The following MAP4K3 variants were observed in gnomAD, a reference collection of about 807,000 sequenced individuals.
MAP4K3 encodes mitogen-activated protein kinase kinase kinase kinase 3.
MAP4K3 carries 94 observed loss-of-function variants against 143.5 expected under a neutral mutation model. The observed-to-expected ratio is 0.65, with a 90% CI of 0.55 to 0.78. The LOEUF (loss-of-function observed/expected upper bound fraction) is 0.78. Among genes scored for constraint, MAP4K3 ranks in the 30% least tolerant of loss-of-function variants. The pLI is 0.00. For missense variants in MAP4K3, 1,077 were observed against 1,068.1 expected (o/e 1.01, Z -0.12); for synonymous variants, 416 against 347.2 (o/e 1.20, Z -2.20).
intron 27 of MAP4K3, among the ~76,000 whole-genome samples, chr2:39,265,572 G>T (rs186019611): frequency 6.6e-6 from 1 of 152,134 alleles, no homozygotes; most frequent in East Asian, 1.9e-4. Flanking sequence ...GGGGTAAGAG[G>T]AAGGACTTTT....
intron 1 of MAP4K3, among the ~76,000 whole-genome samples, chr2:39,381,386 T>A (rs1351238973): frequency 6.6e-6 from 1 of 152,182 alleles, no homozygotes; most frequent in East Asian, 1.9e-4. Flanking sequence ...TGGATATAAA[T>A]CCCTTATCAG....
chr2:39,421,744 G>GA (rs1667554219), intron 1 of MAP4K3, among the ~76,000 whole-genome samples: 1 of 151,990 alleles, frequency 6.6e-6, no homozygotes, highest in Non-Finnish European at 1.5e-5. Context: ...CAAATCATTT[G>GA]ATGTAGTTTG....
rs909516852 is a variant in MAP4K3, at chr2:39,342,866, T to C, written c.310+522A>G. 7.2e-5 allele frequency among the ~76,000 whole-genome samples: 11 copies of C among 152,140 alleles called. No homozygotes were observed. In the East Asian group the frequency reaches 9.6e-4, roughly 13 times the overall value. On this transcript the variant is annotated intron_variant, in intron 4 of 33. Transcript: ENST00000263881. Reference sequence around the variant, plus strand: ...ACAGTTTGTGACAATAATCCACTAATAGAAAGAGAAAAGGAAGAAAAAGAA... The same window carrying C: ...ACAGTTTGTGACAATAATCCACTAACAGAAAGAGAAAAGGAAGAAAAAGAA...
chr2:39,406,605 C>T (rs1447651008), intron 1 of MAP4K3, among the ~76,000 whole-genome samples: 1 of 152,054 alleles, frequency 6.6e-6, no homozygotes, highest in Non-Finnish European at 1.5e-5. Context: ...AGAACTTTTG[C>T]CCTAGAATAG....
rs960374740 is a variant in MAP4K3 at position 39,412,927 on chromosome 2, T to C, written c.96+23965A>G. ...CTAACTACTTGGTCATCTGACCAAATAGTATCTATCTGGTAGATAGTAACC... is the reference window on the plus strand; with the variant it reads ...CTAACTACTTGGTCATCTGACCAAACAGTATCTATCTGGTAGATAGTAACC... On this transcript the variant is annotated intron_variant, in intron 1 of 33. Coordinates refer to ENST00000263881, the MANE Select transcript of MAP4K3 (RefSeq NM_003618.4). 2.0e-5 allele frequency among the ~76,000 whole-genome samples: 3 copies of C among 152,200 alleles called. No individual in the cohort carries two copies. In the South Asian group the frequency reaches 6.2e-4, roughly 31 times the overall value.
At chr2:39,370,031 A>G (rs1219822022) in intron 2 of MAP4K3, among the ~76,000 whole-genome samples, 1 of 152,232 alleles carries the variant, frequency 6.6e-6, no homozygotes, top group Non-Finnish European at 1.5e-5. Flanking sequence ...ATATCTCCGT[A>G]TCTTCCTTCT....
chr2:39,381,239 T>C (rs987197995), intron 1 of MAP4K3, among the ~76,000 whole-genome samples: 4 of 152,216 alleles, frequency 2.6e-5, no homozygotes, highest in African/African-American at 9.6e-5. Context: ...GCTATAAACA[T>C]CAGTGTACAC....
intron 2 of MAP4K3, among the ~76,000 whole-genome samples, chr2:39,357,445 T>G (rs139987442): frequency 6.6e-6 from 1 of 152,232 alleles, no homozygotes; most frequent in Non-Finnish European, 1.5e-5. Context: ...CTGACATTTC[T>G]GGCCTTGGCA....
chr2:39,280,769 G>T (rs1382402005), intron 22 of MAP4K3, among the ~76,000 whole-genome samples: 1 of 151,868 alleles, frequency 6.6e-6, no homozygotes, highest in East Asian at 1.9e-4. Flanking sequence ...GCCTAAAAAT[G>T]GTATTAAAAA....
At chr2:39,280,164 C>A in intron 23 of MAP4K3, 108 bp downstream of exon 23, 2 of 602,288 alleles carry the variant, frequency 3.3e-6, no homozygotes, top group East Asian at 6.1e-5. Context: ...TATAACAAAA[C>A]TTTTTTTCCC....
chr2:39,426,563 T>C (rs1401857852), intron 1 of MAP4K3, among the ~76,000 whole-genome samples: 1 of 151,892 alleles, frequency 6.6e-6, no homozygotes, highest in African/African-American at 2.4e-5. Context: ...TACTCTCAAA[T>C]GGTTCAGAAA....
At chr2:39,346,700 G>GT (rs1242663049) in intron 3 of MAP4K3, among the ~76,000 whole-genome samples, 1 of 152,158 alleles carries the variant, frequency 6.6e-6, no homozygotes. Flanking sequence ...AGCAGCAATT[G>GT]TAAGAACTTG....
intron 4 of MAP4K3, among the ~76,000 whole-genome samples, chr2:39,340,573 T>C (rs1665110314): frequency 6.6e-6 from 1 of 152,190 alleles, no homozygotes; most frequent in Non-Finnish European, 1.5e-5. Flanking sequence ...AACCTATTTC[T>C]GTAACGAAAC....
chr2:39,283,595 T>C (rs958835351), intron 21 of MAP4K3: 1 of 152,190 alleles, frequency 6.6e-6, no homozygotes, highest in Non-Finnish European at 1.5e-5. Flanking sequence ...ATGTTTACAA[T>C]GAGTTTTGCT....
At chr2:39,354,804 A>T (rs1384150103) in intron 3 of MAP4K3, among the ~76,000 whole-genome samples, 1 of 152,248 alleles carries the variant, frequency 6.6e-6, no homozygotes, top group Non-Finnish European at 1.5e-5. Context: ...ATGACAGGGC[A>T]GAATACCCTA....
At chr2:39,390,058 G>C (rs768804165) in intron 1 of MAP4K3, among the ~76,000 whole-genome samples, 1 of 152,088 alleles carries the variant, frequency 6.6e-6, no homozygotes, top group Non-Finnish European at 1.5e-5. Flanking sequence ...AAATTATTAC[G>C]ATCAACATCT....
chr2:39,282,417 T>A, intron 22 of MAP4K3, 96 bp downstream of exon 22: 1 of 980,412 alleles, frequency 1.0e-6, no homozygotes, highest in Admixed American at 2.2e-5. Flanking sequence ...TCAATAATAA[T>A]GAAAGTTCTT....
At chr2:39,268,540 C>T (rs941474239) in intron 26 of MAP4K3, among the ~76,000 whole-genome samples, 3 of 151,576 alleles carry the variant, frequency 2.0e-5, no homozygotes, top group African/African-American at 7.3e-5. Flanking sequence ...AAGCTGGTCT[C>T]GGACTCCTGA....
chr2:39,260,487 T>C (rs1680522406), intron 29 of MAP4K3, 119 bp downstream of exon 29: 1 of 739,944 alleles, frequency 1.4e-6, no homozygotes, highest in Non-Finnish European at 2.2e-6. Context: ...TCCAGTTTAA[T>C]AATAGTTATT....
Sources: allele counts gnomAD v4.1 joint callset (sites outside exome capture counted in the v4.1 genomes callset), GRCh38; gene constraint gnomAD v4.1.1; transcripts MANE v1.5; gene names NCBI Gene and HGNC (gene_info 2026-07-23, HGNC 2026-07-21).